The following TSPAN11 variants were observed in gnomAD, a reference collection of about 807,000 sequenced individuals.
TSPAN11 encodes the protein tetraspanin 11.
Under a neutral mutation model 32.9 loss-of-function variants are expected in TSPAN11, and 29 were observed. The observed-to-expected ratio is 0.88, with a 90% confidence interval of 0.66 to 1.20. The LOEUF (loss-of-function observed/expected upper bound fraction) is 1.20. Ranked by LOEUF, TSPAN11 falls within the 50% of genes most tolerant of loss-of-function variation. TSPAN11 has a pLI of 0.00. For missense variants in TSPAN11, 283 were observed against 329.1 expected, an observed-to-expected ratio of 0.86 and a Z score of 1.08; for synonymous variants, 140 against 141.3, an observed-to-expected ratio of 0.99 and a Z score of 0.07.
intron 1 of TSPAN11, among the ~76,000 whole-genome samples, chr12:30,929,947 G>A (rs1937884693): frequency 6.6e-6 from 1 of 152,196 alleles, no homozygotes; most frequent in Non-Finnish European, 1.5e-5. Context: ...CCCCATAGGG[G>A]GAGCATTAAT....
At chr12:30,955,842 G>A (rs1938468308) in intron 2 of TSPAN11, among the ~76,000 whole-genome samples, 1 of 152,020 alleles carries the variant, frequency 6.6e-6, no homozygotes, top group Non-Finnish European at 1.5e-5. Flanking sequence ...ATTAGATTAG[G>A]GCCCACCCTA....
intron 1 of TSPAN11, among the ~76,000 whole-genome samples, chr12:30,951,514 A>G (rs1001049660): frequency 6.6e-6 from 1 of 152,214 alleles, no homozygotes; most frequent in Non-Finnish European, 1.5e-5. Context: ...TGTACTTGCT[A>G]TGTGACTTTG....
At chr12:30,927,561 G>A (rs1395091241) in intron 1 of TSPAN11, among the ~76,000 whole-genome samples, 1 of 151,986 alleles carries the variant, frequency 6.6e-6, no homozygotes, top group Non-Finnish European at 1.5e-5. Flanking sequence ...TCTCCAGTTC[G>A]TGGCAAGTAT....
the TSPAN11 span, among the ~76,000 whole-genome samples, chr12:31,010,655 G>C: frequency 6.6e-6 from 1 of 152,088 alleles, no homozygotes; most frequent in Non-Finnish European, 1.5e-5. Context: ...AATTTACTGG[G>C]TGTGGTGACA....
chr12:30,946,996 C>T (rs1192257641), intron 1 of TSPAN11, among the ~76,000 whole-genome samples: 1 of 152,192 alleles, frequency 6.6e-6, no homozygotes, highest in Non-Finnish European at 1.5e-5. Flanking sequence ...AAATAACCTA[C>T]TTAGGAAGGC....
intron 2 of TSPAN11, among the ~76,000 whole-genome samples, chr12:30,961,482 G>A (rs892965802): frequency 4.0e-5 from 6 of 151,838 alleles, no homozygotes; most frequent in Non-Finnish European, 8.8e-5. Flanking sequence ...CTGCCCTCCC[G>A]TGACCCCCTC....
intron 5 of TSPAN11, among the ~76,000 whole-genome samples, chr12:30,980,507 G>A (rs1939067644): frequency 1.3e-5 from 2 of 151,996 alleles, no homozygotes; most frequent in Admixed American, 6.6e-5. Flanking sequence ...TCAAGGCAGT[G>A]CCACCTGCCC....
At chr12:30,984,537 G>A (rs1939160879) in intron 7 of TSPAN11, among the ~76,000 whole-genome samples, 1 of 135,990 alleles carries the variant, frequency 7.4e-6, no homozygotes, top group Admixed American at 7.5e-5. Context: ...AAGGAGTAGT[G>A]TTCTTCGCTT....
chr12:30,991,839 C>A lies in TSPAN11; in HGVS notation c.703-17C>A. The A allele has an allele frequency of 6.2e-7, 1 of 1,614,158 alleles. No homozygotes were observed. ...GTTCTGATTTCTCTTTGCTCCTCTG[C>A]TCTCTCCACCTGGCAGATCTGCGGG... On this transcript the variant is annotated splice_polypyrimidine_tract_variant and intron_variant, in intron 7 of 7. Coordinates refer to ENST00000546076, the MANE Select transcript of TSPAN11 (RefSeq NM_001370302.1).
intron 1 of TSPAN11, among the ~76,000 whole-genome samples, chr12:30,929,890 T>C (rs1276460147): frequency 2.0e-5 from 3 of 152,258 alleles, no homozygotes; most frequent in African/African-American, 7.2e-5. Context: ...TCCAACACCA[T>C]GTCCAGGTTT....
intron 1 of TSPAN11, among the ~76,000 whole-genome samples, chr12:30,939,022 C>A (rs895957397): frequency 5.9e-5 from 9 of 152,006 alleles, no homozygotes; most frequent in Non-Finnish European, 1.2e-4. Flanking sequence ...CACTTGACAC[C>A]AGGAGTTCGA....
intron 7 of TSPAN11, 58 bp from the exon 8 acceptor site, chr12:30,991,798 C>T: frequency 1.3e-6 from 2 of 1,597,624 alleles, no homozygotes; most frequent in Non-Finnish European, 8.6e-7. Context: ...GCCCTGAGGG[C>T]CGGCAGCTTC....
chr12:30,949,440 C>A (rs1010975437), intron 1 of TSPAN11, among the ~76,000 whole-genome samples: 1 of 152,020 alleles, frequency 6.6e-6, no homozygotes, highest in East Asian at 1.9e-4. Flanking sequence ...AGGCAAAAGG[C>A]ACTTCTTACA....
the TSPAN11 span, among the ~76,000 whole-genome samples, chr12:31,005,531 C>T: frequency 6.6e-6 from 1 of 152,202 alleles, no homozygotes; most frequent in Non-Finnish European, 1.5e-5. Flanking sequence ...TCATCTCTGG[C>T]AAATATGCAG....
chr12:30,991,428 G>T, intron 7 of TSPAN11, among the ~76,000 whole-genome samples: 1 of 152,194 alleles, frequency 6.6e-6, no homozygotes, highest in Non-Finnish European at 1.5e-5. Context: ...TCTGATGAGG[G>T]AGTGGAAACA....
chr12:30,959,989 C>T (rs931175793), intron 2 of TSPAN11, among the ~76,000 whole-genome samples: 8 of 151,294 alleles, frequency 5.3e-5, no homozygotes, highest in Admixed American at 2.0e-4. Flanking sequence ...AGCCAGGAGC[C>T]GGGAGCCAAC....
intron 1 of TSPAN11, among the ~76,000 whole-genome samples, chr12:30,927,392 G>A (rs1937822491): frequency 6.6e-6 from 1 of 152,246 alleles, no homozygotes; most frequent in African/African-American, 2.4e-5. Context: ...AGGCATGGAA[G>A]GTTCTGGGGT....
At chr12:30,927,647 A>G (rs944560794) in intron 1 of TSPAN11, among the ~76,000 whole-genome samples, 7 of 152,156 alleles carry the variant, frequency 4.6e-5, no homozygotes, top group Non-Finnish European at 1.0e-4. Context: ...ACTCTGGGGC[A>G]TAGGGTGTGT....
intron 7 of TSPAN11, among the ~76,000 whole-genome samples, chr12:30,990,137 C>CAT (rs147792625): frequency 2.6e-5 from 4 of 151,654 alleles, no homozygotes; most frequent in African/African-American, 9.7e-5. Context: ...GTGGTGTTCA[C>CAT]GTGTGTGTGT....
Sources: gnomAD v4.1 joint callset for allele counts (sites outside exome capture counted in the v4.1 genomes callset) on GRCh38, gnomAD v4.1.1 for gene constraint, MANE v1.5 for transcripts, NCBI Gene and HGNC (gene_info 2026-07-23, HGNC 2026-07-21) for gene names.